CTNNA3: variants seen among roughly 807,000 people sequenced by gnomAD.
CTNNA3 encodes the protein catenin alpha-3.
CTNNA3 carries 76 observed loss-of-function variants against 95.7 expected under a neutral mutation model. That is an observed-to-expected ratio of 0.79 (90% confidence interval 0.66 to 0.96). CTNNA3 has a LOEUF of 0.96. CTNNA3 is among the 40% of genes least tolerant of loss of function. CTNNA3 has a pLI of 0.00. For missense variants in CTNNA3, 1,191 were observed against 1,089.8 expected (o/e 1.09, Z -1.31); for synonymous variants, 431 against 374.4 (o/e 1.15, Z -1.74).
chr10:67,695,447 T>G (rs538487761), intron 1 of CTNNA3, among the ~76,000 whole-genome samples: 4 of 151,182 alleles, frequency 2.6e-5, no homozygotes, highest in African/African-American at 9.9e-5. Context: ...GATTTTCATT[T>G]GACTATAACT....
intron 5 of CTNNA3, among the ~76,000 whole-genome samples, chr10:67,290,743 G>A (rs952314851): frequency 2.6e-5 from 4 of 152,110 alleles, no homozygotes; most frequent in Admixed American, 2.0e-4. Flanking sequence ...TACAGTAAGA[G>A]AGTTCAAAAT....
intron 7 of CTNNA3, among the ~76,000 whole-genome samples, chr10:67,111,400 T>C (rs1185831886): frequency 6.6e-6 from 1 of 152,030 alleles, no homozygotes; most frequent in African/African-American, 2.4e-5. Flanking sequence ...GTTAAGAAAA[T>C]TCACATAAGG....
At chr10:66,246,848 C>T (rs1248947076) in intron 13 of CTNNA3, among the ~76,000 whole-genome samples, 2 of 151,620 alleles carry the variant, frequency 1.3e-5, no homozygotes, top group Non-Finnish European at 2.9e-5. Flanking sequence ...GTCAAGAGAT[C>T]AAGACCATCC....
At chr10:66,171,040 C>T (rs1013977226) in intron 13 of CTNNA3, among the ~76,000 whole-genome samples, 9 of 151,186 alleles carry the variant, frequency 6.0e-5, no homozygotes, top group Admixed American at 2.6e-4. Context: ...GGACAAGGCA[C>T]GAGAATCACT....
At chr10:67,558,784 T>G (rs1055449359) in intron 3 of CTNNA3, among the ~76,000 whole-genome samples, 10 of 152,212 alleles carry the variant, frequency 6.6e-5, no homozygotes, top group Admixed American at 1.3e-4. Context: ...ACTCCCACCC[T>G]AATACTGCGC....
chr10:66,218,990 T>C (rs2088736212), intron 13 of CTNNA3, among the ~76,000 whole-genome samples: 1 of 152,222 alleles, frequency 6.6e-6, no homozygotes. Flanking sequence ...TCCTTTCTTA[T>C]TAGAAATACC....
At chr10:67,362,241 G>A (rs1304842016) in intron 5 of CTNNA3, among the ~76,000 whole-genome samples, 3 of 151,932 alleles carry the variant, frequency 2.0e-5, no homozygotes, top group African/African-American at 7.3e-5. Flanking sequence ...AAAAACAGAG[G>A]AGGAGAAACT....
chr10:67,419,915 G>A (rs1004162272), intron 5 of CTNNA3, among the ~76,000 whole-genome samples: 8 of 151,620 alleles, frequency 5.3e-5, no homozygotes, highest in South Asian at 4.2e-4. Context: ...GCAGTGGCAC[G>A]ATCTTGGCTC....
chr10:66,177,512 T>G (rs1486398349), intron 13 of CTNNA3, among the ~76,000 whole-genome samples: 1 of 151,940 alleles, frequency 6.6e-6, no homozygotes, highest in African/African-American at 2.4e-5. Flanking sequence ...ACCAATATAA[T>G]CTCCCTTTTT....
chr10:66,063,191 C>T, intron 15 of CTNNA3, among the ~76,000 whole-genome samples: 1 of 109,514 alleles, frequency 9.1e-6, no homozygotes, highest in Non-Finnish European at 1.8e-5. Flanking sequence ...TGACTGGATA[C>T]ATGTATATAT....
At chr10:67,110,564 G>T (rs1428319868) in intron 7 of CTNNA3, among the ~76,000 whole-genome samples, 1 of 152,004 alleles carries the variant, frequency 6.6e-6, no homozygotes, top group Non-Finnish European at 1.5e-5. Context: ...AAAATTCCAG[G>T]TTCATAAGGT....
At chr10:66,540,069 TAAA>T (rs1243136534) in intron 10 of CTNNA3, among the ~76,000 whole-genome samples, 1 of 151,918 alleles carries the variant, frequency 6.6e-6, no homozygotes, top group Non-Finnish European at 1.5e-5. Flanking sequence ...ATTATCATCA[TAAA>T]TAACAATAAT....
chr10:66,682,260 G>A (rs1847091497), intron 9 of CTNNA3, among the ~76,000 whole-genome samples: 1 of 152,122 alleles, frequency 6.6e-6, no homozygotes, highest in Admixed American at 6.5e-5. Flanking sequence ...CTCGGACTCT[G>A]TCAAGACTAG....
At chr10:67,057,430 T>C (rs1395973094) in intron 7 of CTNNA3, among the ~76,000 whole-genome samples, 1 of 152,106 alleles carries the variant, frequency 6.6e-6, no homozygotes, top group African/African-American at 2.4e-5. Context: ...TTTCTCTCAC[T>C]CTGGGACCCC....
chr10:67,021,873 G>A (rs1042949287), intron 7 of CTNNA3, among the ~76,000 whole-genome samples: 1 of 152,180 alleles, frequency 6.6e-6, no homozygotes, highest in African/African-American at 2.4e-5. Context: ...AGTACTAGGA[G>A]TTTGAAGGGA....
intron 9 of CTNNA3, among the ~76,000 whole-genome samples, chr10:66,704,494 T>G (rs1017154697): frequency 2.0e-5 from 3 of 152,182 alleles, no homozygotes; most frequent in African/African-American, 7.2e-5. Context: ...GACACATTAT[T>G]GGAAACCTGC....
At chr10:67,623,387 T>C (rs1564790232) in intron 2 of CTNNA3, among the ~76,000 whole-genome samples, 1 of 152,274 alleles carries the variant, frequency 6.6e-6, no homozygotes, top group South Asian at 2.1e-4. Flanking sequence ...TTTGCATAAA[T>C]TGATATATAT....
chr10:67,087,814 T>C (rs1437170417), intron 7 of CTNNA3, among the ~76,000 whole-genome samples: 1 of 152,078 alleles, frequency 6.6e-6, no homozygotes, highest in Non-Finnish European at 1.5e-5. Flanking sequence ...TCTCAGACTA[T>C]ATTAACTAAC....
chr10:66,543,535 A>G, intron 10 of CTNNA3, among the ~76,000 whole-genome samples: 1 of 152,164 alleles, frequency 6.6e-6, no homozygotes, highest in Admixed American at 6.5e-5. Context: ...AGAGACAACT[A>G]CCTACACAGA....
Sources: allele counts gnomAD v4.1 joint callset (sites outside exome capture counted in the v4.1 genomes callset), GRCh38; gene constraint gnomAD v4.1.1; transcripts MANE v1.5; gene names NCBI Gene and HGNC (gene_info 2026-07-23, HGNC 2026-07-21).